TAFA5: variants seen among roughly 807,000 people sequenced by gnomAD.
The protein encoded by TAFA5 is TAFA chemokine like family member 5.
Under a neutral mutation model 15.3 loss-of-function variants are expected in TAFA5, and 6 were observed. That is an observed-to-expected ratio of 0.39 (90% CI 0.21 to 0.77). The LOEUF is 0.77. Among genes scored for constraint, TAFA5 ranks in the 30% least tolerant of loss-of-function variants. The pLI is 0.41. For synonymous variants in TAFA5, 103 were observed against 80.7 expected (o/e 1.28, Z -1.48); for missense variants, 161 against 193.1 (o/e 0.83, Z 0.98).
At position 48,552,773 on chromosome 22, in the gene TAFA5, G is replaced by C. The variant is rs1274027980; in HGVS notation, c.112+63069G>C. Among the ~76,000 whole-genome samples, 1 of 152,114 alleles carries C rather than the reference G, an allele frequency of 6.6e-6. No individual in the cohort carries two copies. The highest frequency in any genetic ancestry group is 1.9e-4 in the East Asian group (1 of 5,154). ...TATCATCCTCCGAGGGGCCCGGCCAGGCTCCCAGGGAAGAGGAGGGGCAGC... is the reference window on the plus strand; with the variant it reads ...TATCATCCTCCGAGGGGCCCGGCCACGCTCCCAGGGAAGAGGAGGGGCAGC... On this transcript the variant is annotated intron_variant, in intron 1 of 3. Coordinates refer to ENST00000402357, the MANE Select transcript of TAFA5 (RefSeq NM_001082967.3). This position sits in a 1 kb window ranked among gnomAD's most constrained non-coding sequence, Gnocchi z 4.1.
chr22:48,709,844 C>T (rs534216096), intron 3 of TAFA5, among the ~76,000 whole-genome samples: 2 of 152,364 alleles, frequency 1.3e-5, no homozygotes, highest in East Asian at 3.9e-4. Flanking sequence ...GTGACAGGGC[C>T]AGGACTGGCC....
At chr22:48,646,794 C>T (rs1179620429) in intron 2 of TAFA5, 48 bp downstream of exon 2, 71 of 1,522,278 alleles carry the variant, frequency 4.7e-5, no homozygotes, top group Non-Finnish European at 6.0e-5. Flanking sequence ...AGCGCGGCGT[C>T]ACCAAAGGTG....
rs541511985 is a variant in TAFA5, at chr22:48,596,537, G to T, written c.113-50060G>T. On this transcript the variant is annotated intron_variant, in intron 1 of 3. Coordinates refer to ENST00000402357, the MANE Select transcript of TAFA5 (RefSeq NM_001082967.3). ...TTACAGAAAAATGGAGCAGATGGCA[G>T]TTTCCATCTAGCCTCTCTCCTGCCC... Among the ~76,000 whole-genome samples the T allele has an allele frequency of 1.7e-3, 265 of 152,294 alleles. 1 individual carries two copies. Among genetic ancestry groups the T allele is most frequent in the Admixed American group, 4.4e-3 (68 of 15,300 alleles).
intron 3 of TAFA5, among the ~76,000 whole-genome samples, chr22:48,712,120 A>G (rs2147254606): frequency 6.6e-6 from 1 of 152,274 alleles, no homozygotes; most frequent in Non-Finnish European, 1.5e-5. Context: ...GCAAGGGCAC[A>G]ATCTTGGCTC....
chr22:48,654,225 CAAGAGG>C (rs991541013), intron 2 of TAFA5, among the ~76,000 whole-genome samples: 1 of 152,056 alleles, frequency 6.6e-6, no homozygotes, highest in Non-Finnish European at 1.5e-5. Flanking sequence ...CCAGGAGAGC[CAAGAGG>C]AGGAGGAGGA....
At chr22:48,590,523 G>A (rs1187881998) in intron 1 of TAFA5, among the ~76,000 whole-genome samples, 1 of 152,176 alleles carries the variant, frequency 6.6e-6, no homozygotes, top group African/African-American at 2.4e-5. Context: ...GCCCAAGCCC[G>A]GGAGACACTG....
intron 3 of TAFA5, among the ~76,000 whole-genome samples, chr22:48,720,645 G>T (rs1188714842): frequency 6.6e-6 from 1 of 152,156 alleles, no homozygotes; most frequent in Non-Finnish European, 1.5e-5. Flanking sequence ...AAGACATGGG[G>T]AGACACCCTG....
In TAFA5 at chr22:48,530,103, G is replaced by A. The variant is rs180791688; in HGVS notation, c.112+40399G>A. ...TGAGTAGGGTGAGGGAAGCCCTGGC[G>A]TCTGCAGACCCTCCTGTACTGATGA... On this transcript the variant is annotated intron_variant, in intron 1 of 3. Coordinates refer to ENST00000402357, the MANE Select transcript of TAFA5 (RefSeq NM_001082967.3). The surrounding 1 kb of genome is among the most constrained non-coding windows in gnomAD (Gnocchi z 6.0). 3.6e-4 allele frequency among the ~76,000 whole-genome samples: 55 copies of A among 152,244 alleles called. No individual in the cohort carries two copies. Among genetic ancestry groups the A allele is most frequent in the Admixed American group, 2.1e-3 (32 of 15,302 alleles).
intron 2 of TAFA5, among the ~76,000 whole-genome samples, chr22:48,704,625 GT>G (rs1929022240): frequency 6.6e-6 from 1 of 151,794 alleles, no homozygotes; most frequent in Non-Finnish European, 1.5e-5. Context: ...AAGCCGGGGG[GT>G]TCCCTATCCC....
Position 48,521,088 on chromosome 22 carries a change from C to T in TAFA5, c.112+31384C>T, listed in dbSNP as rs1049516941. On this transcript the variant is annotated intron_variant, in intron 1 of 3. Coordinates refer to ENST00000402357, the MANE Select transcript of TAFA5 (RefSeq NM_001082967.3). The stretch of plus-strand genomic sequence containing the variant: ...ATTGCCTGTTGAATTCTTCCCACCA[C>T]GGCCGTAACCGTGCAGGATCCAGGG... Among the ~76,000 whole-genome samples the T allele has an allele frequency of 7.9e-5, 12 of 152,182 alleles. No individual in the cohort carries two copies. In the South Asian group the frequency reaches 8.3e-4, roughly 10 times the overall value.
chr22:48,508,335 C>T (rs552064569), intron 1 of TAFA5, among the ~76,000 whole-genome samples: 1 of 152,314 alleles, frequency 6.6e-6, no homozygotes, highest in East Asian at 1.9e-4. Context: ...GGGCTGCCGC[C>T]CCCCCAGAGC....
chr22:48,625,413 G>A (rs1343668422), intron 1 of TAFA5, among the ~76,000 whole-genome samples: 1 of 152,230 alleles, frequency 6.6e-6, no homozygotes, highest in Non-Finnish European at 1.5e-5. Flanking sequence ...CTGCAACAGT[G>A]AGGAACTGGC....
chr22:48,701,288 G>A (rs1928898333), intron 2 of TAFA5, among the ~76,000 whole-genome samples: 1 of 152,140 alleles, frequency 6.6e-6, no homozygotes, highest in Admixed American at 6.5e-5. Flanking sequence ...CTCCAGCTGT[G>A]TCTAGAGCTG....
At chr22:48,732,773 A>C (rs925035975) in intron 3 of TAFA5, among the ~76,000 whole-genome samples, 1 of 152,216 alleles carries the variant, frequency 6.6e-6, no homozygotes, top group Non-Finnish European at 1.5e-5. Flanking sequence ...AAGGAGAGTC[A>C]ATCGATACAG....
At position 48,746,978 on chromosome 22, in the gene TAFA5, G is replaced by A. The variant is rs114459288; in HGVS notation, c.391-2861G>A. ...GCACCTCCCTTCCAGTAGGACCCTCGCCCATACCCTACAGAGTGGGCTCAA... is the reference window on the plus strand; with the variant it reads ...GCACCTCCCTTCCAGTAGGACCCTCACCCATACCCTACAGAGTGGGCTCAA... On this transcript the variant is annotated intron_variant, in intron 3 of 3. Coordinates refer to ENST00000402357, the MANE Select transcript of TAFA5 (RefSeq NM_001082967.3). Among the ~76,000 whole-genome samples, 498 of 152,260 alleles carry A rather than the reference G, an allele frequency of 3.3e-3. 1 individual carries two copies. Among genetic ancestry groups the A allele is most frequent in the African/African-American group, 0.011 (473 of 41,542 alleles).
intron 1 of TAFA5, among the ~76,000 whole-genome samples, chr22:48,604,176 A>G (rs77650133): frequency 0.044 from 6,709 of 152,296 alleles, 221 homozygotes; most frequent in East Asian, 0.12. Context: ...CACACAGCTC[A>G]GGCAGCCGCT....
At chr22:48,519,923 A>G (rs1169525912) in intron 1 of TAFA5, among the ~76,000 whole-genome samples, 1 of 152,240 alleles carries the variant, frequency 6.6e-6, no homozygotes, top group African/African-American at 2.4e-5. Context: ...CTGGAACCTC[A>G]GAATGTGACT....
chr22:48,507,849 G>A (rs149754037), intron 1 of TAFA5, among the ~76,000 whole-genome samples: 2,149 of 152,272 alleles, frequency 0.014, 49 homozygotes, highest in African/African-American at 0.049. Flanking sequence ...TGTTTGAGGA[G>A]CTCCGTGGGC....
At chr22:48,646,092 G>A (rs574855685) in intron 1 of TAFA5, among the ~76,000 whole-genome samples, 18 of 152,274 alleles carry the variant, frequency 1.2e-4, no homozygotes, top group African/African-American at 3.6e-4. Context: ...CCCTGGCAGC[G>A]TGGCTGGTTC....
Sources: gnomAD v4.1 joint callset for allele counts (sites outside exome capture counted in the v4.1 genomes callset) on GRCh38, gnomAD v4.1.1 for gene constraint, Gnocchi (gnomAD v3.1) non-coding constraint, MANE v1.5 for transcripts, NCBI Gene and HGNC (gene_info 2026-07-23, HGNC 2026-07-21) for gene names.